CFDP1: variants seen among roughly 807,000 people sequenced by gnomAD.
CFDP1 encodes chromatin remodeling protein CFDP1.
Under a neutral mutation model 40.1 loss-of-function variants are expected in CFDP1, and 31 were observed. That is an observed-to-expected ratio of 0.77 (90% CI 0.58 to 1.04). CFDP1 has a LOEUF of 1.04. Among genes scored for constraint, CFDP1 ranks in the 50% least tolerant of loss-of-function variants. The probability of loss-of-function intolerance (pLI) is 0.00; values close to 1 mark genes in which losing one functional copy is unlikely to be tolerated. For missense variants in CFDP1, 423 were observed against 343.4 expected (o/e 1.23, Z -1.83); for synonymous variants, 167 against 120.0 (o/e 1.39, Z -2.56).
At chr16:75,347,109 G>T (rs952231531) in intron 5 of CFDP1, among the ~76,000 whole-genome samples, 2 of 152,002 alleles carry the variant, frequency 1.3e-5, no homozygotes. Context: ...ACTTTGGGAG[G>T]CTGAGGTGGG....
chr16:75,312,178 T>G (rs1597323957), intron 5 of CFDP1, among the ~76,000 whole-genome samples: 1 of 152,182 alleles, frequency 6.6e-6, no homozygotes, highest in Admixed American at 6.6e-5. Context: ...AGCCCAAGAT[T>G]AGACCCCTCA....
intron 4 of CFDP1, among the ~76,000 whole-genome samples, chr16:75,408,680 G>T (rs2151580880): frequency 6.6e-6 from 1 of 151,822 alleles, no homozygotes; most frequent in East Asian, 2.0e-4. Context: ...GGAGCCTGAG[G>T]CAGGAGAATC....
At chr16:75,392,353 C>G (rs1316520493) in intron 5 of CFDP1, among the ~76,000 whole-genome samples, 1 of 151,666 alleles carries the variant, frequency 6.6e-6, no homozygotes, top group Non-Finnish European at 1.5e-5. Context: ...TGCAGTGAGC[C>G]AAGATTGCAC....
intron 5 of CFDP1, among the ~76,000 whole-genome samples, chr16:75,376,568 G>C (rs1018805836): frequency 1.2e-4 from 18 of 152,190 alleles, no homozygotes; most frequent in Admixed American, 4.6e-4. Context: ...ATCAGTAGTT[G>C]CCTGGGGCAA....
chr16:75,405,474 G>A (rs1422882544), intron 4 of CFDP1, among the ~76,000 whole-genome samples: 2 of 152,040 alleles, frequency 1.3e-5, no homozygotes, highest in Non-Finnish European at 2.9e-5. Flanking sequence ...GAGGCCTGGT[G>A]TGGTGGCTCA....
At chr16:75,432,864 C>A (rs2079439715) in intron 1 of CFDP1, among the ~76,000 whole-genome samples, 1 of 152,058 alleles carries the variant, frequency 6.6e-6, no homozygotes, top group African/African-American at 2.4e-5. Flanking sequence ...AACTTTCTAA[C>A]AACCAGGCGG....
rs1249307666 is a variant in CFDP1, at chr16:75,366,225, T to C, written c.650+28865A>G. On this transcript the variant is annotated intron_variant, in intron 5 of 6. Coordinates refer to ENST00000283882, the MANE Select transcript of CFDP1 (RefSeq NM_006324.3). ...TAAAAAGCAATGAATTATTGATATA[T>C]ACTACACAAGAAAACATTTGTTTTC... Among the ~76,000 whole-genome samples the C allele has an allele frequency of 3.3e-5, 5 of 152,230 alleles. No individual in the cohort carries two copies. In the East Asian group the frequency reaches 7.7e-4, roughly 23 times the overall value.
chr16:75,342,198 T>C (rs2151520898), intron 5 of CFDP1, among the ~76,000 whole-genome samples: 1 of 152,314 alleles, frequency 6.6e-6, no homozygotes, highest in Non-Finnish European at 1.5e-5. Flanking sequence ...AACATCGAAG[T>C]TTACTTTTTA....
At chr16:75,402,214 A>G (rs1011361312) in intron 4 of CFDP1, among the ~76,000 whole-genome samples, 1 of 152,216 alleles carries the variant, frequency 6.6e-6, no homozygotes. Context: ...CCTCTAACGC[A>G]CAAGAGGGAA....
At position 75,329,076 on chromosome 16, in the gene CFDP1, T is replaced by A. The variant is rs1188875641; in HGVS notation, c.651-23894A>T. Reference sequence around the variant, plus strand: ...GTTGGTCAGGCTGGTCTCGAACTCCTGACCTCAGGTGATCTGCCCGCCTCG... The same window carrying A: ...GTTGGTCAGGCTGGTCTCGAACTCCAGACCTCAGGTGATCTGCCCGCCTCG... On this transcript the variant is annotated intron_variant, in intron 5 of 6. Coordinates refer to ENST00000283882, the MANE Select transcript of CFDP1 (RefSeq NM_006324.3). Among the ~76,000 whole-genome samples the A allele has an allele frequency of 3.3e-5, 5 of 152,132 alleles. No individual in the cohort carries two copies. The East Asian group carries it at 9.6e-4, about 29-fold the overall frequency.
chr16:75,418,573 T>C (rs2079237914), intron 1 of CFDP1, among the ~76,000 whole-genome samples: 2 of 151,994 alleles, frequency 1.3e-5, no homozygotes, highest in African/African-American at 2.4e-5. Context: ...CCTCCCAAAG[T>C]GCTGGGATTA....
chr16:75,319,235 G>T (rs990226869), intron 5 of CFDP1, among the ~76,000 whole-genome samples: 1 of 151,996 alleles, frequency 6.6e-6, no homozygotes, highest in Non-Finnish European at 1.5e-5. Context: ...GTAGAGATGG[G>T]GTTTCACCAT....
At position 75,351,493 on chromosome 16, in the gene CFDP1, A is replaced by C. The variant is rs557894118; in HGVS notation, c.650+43597T>G. ...ATTAAGGTCACTATCAAAATAACTA[A>C]CTAATTTGAAGAACTTATTTGTCAA... is the stretch of plus-strand genomic sequence containing the variant. On this transcript the variant is annotated intron_variant, in intron 5 of 6. Transcript: ENST00000283882. 2.0e-4 allele frequency among the ~76,000 whole-genome samples: 30 copies of C among 152,330 alleles called. 1 individual carries two copies. The South Asian group carries it at 6.2e-3, about 32-fold the overall frequency.
At chr16:75,311,854 C>T (rs1312099456) in intron 5 of CFDP1, among the ~76,000 whole-genome samples, 1 of 151,666 alleles carries the variant, frequency 6.6e-6, no homozygotes, top group Non-Finnish European at 1.5e-5. Flanking sequence ...ATCCTCCTGC[C>T]TCAGCTTCCT....
intron 5 of CFDP1, among the ~76,000 whole-genome samples, chr16:75,371,816 T>C (rs992007066): frequency 6.6e-6 from 1 of 152,216 alleles, no homozygotes; most frequent in South Asian, 2.1e-4. Flanking sequence ...ACGTTTTTAA[T>C]AGTTTTAAGT....
intron 5 of CFDP1, among the ~76,000 whole-genome samples, chr16:75,329,665 T>G (rs2078430895): frequency 6.6e-6 from 1 of 152,242 alleles, no homozygotes; most frequent in Admixed American, 6.5e-5. Flanking sequence ...TGTTGTCACT[T>G]AACATGTTTC....
chr16:75,297,166 C>A (rs11647088), intron 6 of CFDP1, among the ~76,000 whole-genome samples: 1 of 143,362 alleles, frequency 7.0e-6, no homozygotes, highest in African/African-American at 2.6e-5. Context: ...GTGTGTGTGT[C>A]TGTGTGTGTG....
intron 4 of CFDP1, chr16:75,406,777 C>G (rs762804380): frequency 5.9e-5 from 9 of 152,134 alleles, no homozygotes; most frequent in Non-Finnish European, 1.3e-4. Context: ...GTAATCCCAG[C>G]ACTTTGGGAG....
chr16:75,315,671 C>T (rs1483589802), intron 5 of CFDP1, among the ~76,000 whole-genome samples: 1 of 152,170 alleles, frequency 6.6e-6, no homozygotes, highest in Non-Finnish European at 1.5e-5. Context: ...CATTTTGCCA[C>T]ATATAACTTT....
Sources: allele counts gnomAD v4.1 joint callset (sites outside exome capture counted in the v4.1 genomes callset), GRCh38; gene constraint gnomAD v4.1.1; transcripts MANE v1.5; gene names NCBI Gene and HGNC (gene_info 2026-07-23, HGNC 2026-07-21).